ST6GALNAC3: variants seen among roughly 807,000 people sequenced by gnomAD.
The protein encoded by ST6GALNAC3 is alpha-N-acetylgalactosaminide alpha-2,6-sialyltransferase 3.
In ST6GALNAC3, 25 loss-of-function variants were observed where a neutral mutation model predicts 32.7. The observed-to-expected ratio is 0.76, with a 90% CI of 0.56 to 1.07. The LOEUF is 1.07. Ranked by LOEUF, ST6GALNAC3 falls within the 50% of genes least tolerant of loss-of-function variation. ST6GALNAC3 has a pLI of 0.00. For synonymous variants in ST6GALNAC3, 129 were observed against 133.1 expected, an observed-to-expected ratio of 0.97 and a Z score of 0.21; for missense variants, 355 against 382.4, an observed-to-expected ratio of 0.93 and a Z score of 0.60.
intron 1 of ST6GALNAC3, among the ~76,000 whole-genome samples, chr1:76,305,030 C>T (rs1325893000): frequency 6.6e-6 from 1 of 152,072 alleles, no homozygotes; most frequent in Non-Finnish European, 1.5e-5. Context: ...TTAGTTAGCA[C>T]CTCCCTTTCC....
At chr1:76,448,231 AT>A (rs772431384) in intron 3 of ST6GALNAC3, among the ~76,000 whole-genome samples, 1 of 152,152 alleles carries the variant, frequency 6.6e-6, no homozygotes, top group Non-Finnish European at 1.5e-5. Context: ...GGGGACTTCC[AT>A]GGGGCCTTTA....
chr1:76,357,261 A>G (rs184359546), intron 2 of ST6GALNAC3, among the ~76,000 whole-genome samples: 2 of 150,260 alleles, frequency 1.3e-5, no homozygotes, highest in Non-Finnish European at 3.0e-5. Context: ...CAGCCTCCCA[A>G]GTATCTGGAT....
At chr1:76,175,895 G>A (rs1570316509) in intron 1 of ST6GALNAC3, among the ~76,000 whole-genome samples, 3 of 152,114 alleles carry the variant, frequency 2.0e-5, no homozygotes, top group African/African-American at 4.8e-5. Context: ...AATACTTTCT[G>A]AGTTACGAAC....
chr1:76,219,573 C>G (rs982101109), intron 1 of ST6GALNAC3, among the ~76,000 whole-genome samples: 4 of 152,162 alleles, frequency 2.6e-5, no homozygotes, highest in African/African-American at 9.7e-5. Context: ...GAAATGTGCT[C>G]TCCCTAGAAC....
At chr1:76,184,519 G>GCACACACACACACACACACACA (rs71071992) in intron 1 of ST6GALNAC3, among the ~76,000 whole-genome samples, 5 of 134,104 alleles carry the variant, frequency 3.7e-5, no homozygotes, top group Non-Finnish European at 6.3e-5. Flanking sequence ...CTCCTGGGCA[G>GCACACACACACACACACACACA]CACACACACA....
intron 1 of ST6GALNAC3, among the ~76,000 whole-genome samples, chr1:76,193,530 A>T (rs1654026084): frequency 3.3e-5 from 5 of 152,008 alleles, no homozygotes; most frequent in Admixed American, 3.3e-4. Context: ...GCCACCCCAG[A>T]CTCTGAGTCC....
intron 1 of ST6GALNAC3, among the ~76,000 whole-genome samples, chr1:76,287,004 T>C (rs1372410063): frequency 6.6e-6 from 1 of 152,236 alleles, no homozygotes; most frequent in Non-Finnish European, 1.5e-5. Context: ...TTCAATCTTC[T>C]CTGAATTCTG....
intron 3 of ST6GALNAC3, among the ~76,000 whole-genome samples, chr1:76,612,917 C>A (rs557650871): frequency 1.3e-4 from 20 of 152,140 alleles, no homozygotes; most frequent in Non-Finnish European, 2.5e-4. Flanking sequence ...TTTGTGCTGA[C>A]GGAGAACTAC....
intron 2 of ST6GALNAC3, among the ~76,000 whole-genome samples, chr1:76,390,583 T>C (rs956780771): frequency 1.3e-5 from 2 of 152,142 alleles, no homozygotes; most frequent in African/African-American, 2.4e-5. Flanking sequence ...GGCTTTTGGC[T>C]CCAAAGACTA....
chr1:76,252,728 A>T (rs1657694545), intron 1 of ST6GALNAC3, among the ~76,000 whole-genome samples: 1 of 152,178 alleles, frequency 6.6e-6, no homozygotes, highest in Non-Finnish European at 1.5e-5. Context: ...CACAGCTGAG[A>T]AATGCTGTTA....
At chr1:76,282,597 G>A (rs921166090) in intron 1 of ST6GALNAC3, among the ~76,000 whole-genome samples, 1 of 152,136 alleles carries the variant, frequency 6.6e-6, no homozygotes, top group Non-Finnish European at 1.5e-5. Flanking sequence ...ACCAGTTACT[G>A]TTTCTCAGGG....
intron 2 of ST6GALNAC3, among the ~76,000 whole-genome samples, chr1:76,363,683 A>G (rs1650142785): frequency 6.6e-6 from 1 of 152,176 alleles, no homozygotes; most frequent in Non-Finnish European, 1.5e-5. Flanking sequence ...GGTTTAATTG[A>G]TCCACAGTTC....
chr1:76,207,911 T>C (rs1028752564), intron 1 of ST6GALNAC3, among the ~76,000 whole-genome samples: 1 of 152,178 alleles, frequency 6.6e-6, no homozygotes, highest in Non-Finnish European at 1.5e-5. Flanking sequence ...CATAAAATGA[T>C]CTTAGAACCT....
chr1:76,482,139 T>TACACACACACACACACAC (rs368648490), intron 3 of ST6GALNAC3, among the ~76,000 whole-genome samples: 4 of 147,024 alleles, frequency 2.7e-5, no homozygotes, highest in Admixed American at 2.0e-4. Flanking sequence ...AAATTTTCTT[T>TACACACACACACACACAC]ACACACACAC....
chr1:76,226,404 A>T (rs1454587688), intron 1 of ST6GALNAC3, among the ~76,000 whole-genome samples: 1 of 152,154 alleles, frequency 6.6e-6, no homozygotes, highest in African/African-American at 2.4e-5. Context: ...TTTTTCTTCT[A>T]GAGGATTGAA....
At chr1:76,238,207 C>T (rs938652444) in intron 1 of ST6GALNAC3, among the ~76,000 whole-genome samples, 2 of 152,224 alleles carry the variant, frequency 1.3e-5, no homozygotes, top group African/African-American at 4.8e-5. Flanking sequence ...TTGTTTTGGT[C>T]TTCCTGGCTA....
chr1:76,627,659 G>C, intron 4 of ST6GALNAC3, 100 bp downstream of exon 4: 3 of 936,906 alleles, frequency 3.2e-6, no homozygotes, highest in Non-Finnish European at 5.1e-6. Context: ...AACAGATAAA[G>C]CAACAATTAT....
intron 3 of ST6GALNAC3, among the ~76,000 whole-genome samples, chr1:76,445,302 A>C (rs1243693376): frequency 6.6e-6 from 1 of 152,184 alleles, no homozygotes; most frequent in Non-Finnish European, 1.5e-5. Flanking sequence ...TCCTGGGTAC[A>C]TGATAGATAT....
rs182108691 is a variant in ST6GALNAC3 at position 76,184,374 on chromosome 1, A to G, written c.18+109490A>G. ...GCCAACATAGTGAAACCCTGTCTCT[A>G]CTGAAATTACAAAAATTAGCCGGGT... On this transcript the variant is annotated intron_variant, in intron 1 of 4. Coordinates refer to ENST00000328299, the MANE Select transcript of ST6GALNAC3 (RefSeq NM_152996.4). 3.2e-3 allele frequency among the ~76,000 whole-genome samples: 481 copies of G among 152,244 alleles called. 1 individual carries two copies. Among genetic ancestry groups the G allele is most frequent in the African/African-American group, 0.011 (468 of 41,532 alleles).
Sources: gnomAD v4.1 joint callset for allele counts (sites outside exome capture counted in the v4.1 genomes callset) on GRCh38, gnomAD v4.1.1 for gene constraint, MANE v1.5 for transcripts, NCBI Gene and HGNC (gene_info 2026-07-23, HGNC 2026-07-21) for gene names.